Variants in ALDH3A1 observed in about 807,000 individuals in gnomAD.
ALDH3A1 encodes aldehyde dehydrogenase, dimeric NADP-preferring.
A neutral mutation model predicts 49.9 loss-of-function variants in ALDH3A1; 46 were observed. The observed-to-expected ratio is 0.92, with a 90% CI of 0.73 to 1.18. The LOEUF is 1.18. ALDH3A1 is among the 50% of genes most tolerant of loss of function. ALDH3A1 has a pLI of 0.00. For synonymous variants in ALDH3A1, 269 were observed against 253.3 expected, an observed-to-expected ratio of 1.06 and a Z score of -0.59; for missense variants, 592 against 611.8, an observed-to-expected ratio of 0.97 and a Z score of 0.34.
rs772975076 is a variant in ALDH3A1 at position 19,738,341 on chromosome 17, G to A, written c.1329C>T (p.Tyr443=). The change falls in exon 10 of 11, where the codon TAC becomes TAT. Residue 443 remains tyrosine, a synonymous_variant. Transcript: ENST00000225740. Reference sequence around the variant, plus strand: ...CTCTCACCTTGGCCGGGCTCGGGGGGTATCTGACCTTCAGGCCTTCATCAT... The same window carrying A: ...CTCTCACCTTGGCCGGGCTCGGGGGATATCTGACCTTCAGGCCTTCATCAT... The part of the protein sequence containing the change: ...LMNDEGLKVR[Y]PPSPAKMTQH 4 of 1,613,442 alleles carry A rather than the reference G, an allele frequency of 2.5e-6. No homozygotes were observed. The highest frequency in any genetic ancestry group is 1.7e-5 in the Admixed American group (1 of 60,012).
At position 19,743,754 on chromosome 17, in the gene ALDH3A1, G is replaced by A. The variant is rs1413079155; in HGVS notation, c.163-291C>T. ...GCAACGGAATGGATCCAGGTAGGGG[G>A]AATAGAGCCGGGCAGGGGAGAGTAG... On this transcript the variant is annotated intron_variant, in intron 2 of 10. Coordinates refer to ENST00000225740, the MANE Select transcript of ALDH3A1 (RefSeq NM_000691.5). This position sits in a 1 kb window ranked among gnomAD's most constrained non-coding sequence, Gnocchi z 4.4. 3.1e-6 allele frequency: 3 copies of A among 982,812 alleles called. No individual in the cohort carries two copies. In the African/African-American group the frequency reaches 5.3e-5, roughly 17 times the overall value. The allele number at this position is 982,812 out of a possible 1,614,324, so 60.9% of individuals were successfully genotyped here.
rs748915489 is a variant in ALDH3A1, at chr17:19,743,380, G to A, written c.246C>T (p.Ala82=). The change falls in exon 3 of 11, where the codon GCC becomes GCT. Residue 82 remains alanine (A), a synonymous_variant. Transcript: ENST00000225740. This position sits in a 1 kb window ranked among gnomAD's most constrained non-coding sequence, Gnocchi z 4.4. The part of the protein sequence containing the change: ...EYMIQKLPEW[A]ADEPVEKTPQ... ...GCGTCTTCTCCACGGGCTCATCCGC[G>A]GCCCACTCAGGGAGCTTCTGGATCA... is the stretch of plus-strand genomic sequence containing the variant. 1.5e-5 allele frequency: 24 copies of A among 1,614,004 alleles called. No individual in the cohort carries two copies. Among genetic ancestry groups the A allele is most frequent in the Admixed American group, 1.0e-4 (6 of 60,010 alleles).
At position 19,738,312 on chromosome 17, in the gene ALDH3A1, C is replaced by A; in HGVS notation, c.1347+11G>T. On this transcript the variant is annotated intron_variant, in intron 10 of 10. Coordinates refer to ENST00000225740, the MANE Select transcript of ALDH3A1 (RefSeq NM_000691.5). Reference sequence around the variant, plus strand: ...AGCCCGGTCTCCCCCACAGCGCCTTCCCCCTCTCACCTTGGCCGGGCTCGG... The same window carrying A: ...AGCCCGGTCTCCCCCACAGCGCCTTACCCCTCTCACCTTGGCCGGGCTCGG... 2 of 1,613,460 alleles carry A rather than the reference C, an allele frequency of 1.2e-6. No individual in the cohort carries two copies. Among genetic ancestry groups the A allele is most frequent in the Non-Finnish European group, 8.5e-7 (1 of 1,179,422 alleles).
chr17:19,741,244 G>A (rs375261051), intron 5 of ALDH3A1, 34 bp from the exon 6 acceptor site: 1 of 1,591,724 alleles, frequency 6.3e-7, no homozygotes, highest in Non-Finnish European at 8.6e-7. Flanking sequence ...AAATCCAAAA[G>A]GTTCCCCAGG....
At chr17:19,745,325 T>G in intron 1 of ALDH3A1, 191 bp from the exon 2 acceptor site, 1 of 577,474 alleles carries the variant, frequency 1.7e-6, no homozygotes, top group Non-Finnish European at 2.8e-6. Context: ...CTGGCTGCCT[T>G]GCTAGCCCCT....
intron 7 of ALDH3A1, 154 bp downstream of exon 7, chr17:19,740,182 C>G: frequency 1.0e-6 from 1 of 953,556 alleles, no homozygotes. Context: ...CAGCCCCTGC[C>G]TGCTGGAGTC....
rs1445837512 is a variant in ALDH3A1 at position 19,741,679 on chromosome 17, A to G, written c.689+325T>C. On this transcript the variant is annotated intron_variant, in intron 5 of 10. Transcript: ENST00000225740. The stretch of plus-strand genomic sequence containing the variant: ...CCTGCCCCATCAGAGGGCTGAACCC[A>G]GTACAGTTCCTTGTGTCCTGAACGT... Among the ~76,000 whole-genome samples, 3 of 152,094 alleles carry G rather than the reference A, an allele frequency of 2.0e-5. No homozygotes were observed. The East Asian group carries it at 5.8e-4, about 29-fold the overall frequency.
intron 2 of ALDH3A1, 189 bp downstream of exon 2, chr17:19,744,779 G>C: frequency 7.3e-7 from 1 of 1,374,218 alleles, no homozygotes; most frequent in African/African-American, 1.5e-5. Context: ...GCCAGAGGGC[G>C]GAAGAGGCGG....
chr17:19,741,908 G>T, intron 5 of ALDH3A1, 96 bp downstream of exon 5: 1 of 1,229,400 alleles, frequency 8.1e-7, no homozygotes, highest in Non-Finnish European at 1.2e-6. Context: ...GGGGGTGTCT[G>T]TGTTACTCAG....
chr17:19,741,143 C>T lies in ALDH3A1; in HGVS notation c.757G>A (p.Asp253Asn), dbSNP rs200401527. The change falls in exon 6 of 11, where the codon GAC (aspartate) becomes AAC (asparagine). Residue 253 changes from aspartate (D) to asparagine (N), a missense_variant. Physicochemically the swap from Asp to Asn is conservative, Grantham distance 23 (BLOSUM62 1). Transcript: ENST00000225740. ...TCVAPDYILC[D>N]PSIQNQIVEK... Reference sequence around the variant, plus strand: ...ACAATTTGGTTCTGGATCGAGGGGTCACAGAGGATGTAGTCAGGGGCCACG... The same window carrying T: ...ACAATTTGGTTCTGGATCGAGGGGTTACAGAGGATGTAGTCAGGGGCCACG... 48 of 1,614,092 alleles carry T rather than the reference C, an allele frequency of 3.0e-5. No homozygotes were observed. The East Asian group carries it at 9.6e-4, about 32-fold the overall frequency.
At chr17:19,744,790 C>A in intron 2 of ALDH3A1, 178 bp downstream of exon 2, 1 of 1,367,962 alleles carries the variant, frequency 7.3e-7, no homozygotes, top group East Asian at 3.1e-5. Context: ...GAAGAGGCGG[C>A]GGGGGCGCGC....
chr17:19,743,160 G>A lies in ALDH3A1; in HGVS notation c.394+72C>T. On this transcript the variant is annotated intron_variant, in intron 3 of 10. Coordinates refer to ENST00000225740, the MANE Select transcript of ALDH3A1 (RefSeq NM_000691.5). This position sits in a 1 kb window ranked among gnomAD's most constrained non-coding sequence, Gnocchi z 4.4. ...ACCCCAGGACTCTTAACACAGGCCT[G>A]AGCCCATCCTGGCTTGGCTCCACGC... The A allele has an allele frequency of 1.3e-6, 2 of 1,589,802 alleles. No homozygotes were observed. Among genetic ancestry groups the A allele is most frequent in the South Asian group, 2.3e-5 (2 of 88,642 alleles).
chr17:19,744,776 G>A (rs1366420546), intron 2 of ALDH3A1, 192 bp downstream of exon 2: 2 of 1,374,424 alleles, frequency 1.5e-6, no homozygotes, highest in Non-Finnish European at 1.9e-6. Flanking sequence ...AAGGCCAGAG[G>A]GCGGAAGAGG....
In ALDH3A1 at chr17:19,742,600, A is replaced by G. The variant is rs1384275773; in HGVS notation, c.425T>C (p.Leu142Pro). ...CAGCAGGCTCGCCATGTTCTCACTC[A>G]GCTCCGAGGGCTTGAGGACCACTGA... ...GNSVVLKPSE[L>P]SENMASLLAT... Residue 142 changes from leucine (L) to proline (P), a missense_variant, in exon 4 of 11, where the codon CTG becomes CCG. Physicochemically the swap from Leu to Pro is moderately conservative, Grantham distance 98. Coordinates refer to ENST00000225740, the MANE Select transcript of ALDH3A1 (RefSeq NM_000691.5). The G allele has an allele frequency of 1.2e-6, 2 of 1,614,024 alleles. No homozygotes were observed. The highest frequency in any genetic ancestry group is 1.7e-5 in the Admixed American group (1 of 60,026).
rs1167651245 is a variant in ALDH3A1 at position 19,743,228 on chromosome 17, G to A, written c.394+4C>T. The A allele has an allele frequency of 1.2e-6, 2 of 1,613,422 alleles. No individual in the cohort carries two copies. Among genetic ancestry groups the A allele is most frequent in the African/African-American group, 2.7e-5 (2 of 75,050 alleles). On this transcript the variant is annotated splice_donor_region_variant and intron_variant, in intron 3 of 10. Coordinates refer to ENST00000225740, the MANE Select transcript of ALDH3A1 (RefSeq NM_000691.5). The surrounding 1 kb of genome is among the most constrained non-coding windows in gnomAD (Gnocchi z 4.4). ...CCAGCTTCCCTTCCCACAGGGCCAT[G>A]CACCTGCAGCGATGGCGCCCACCAT...
rs762487201 is a variant in ALDH3A1 at position 19,739,096 on chromosome 17, C to T, written c.1117-1G>A. ...TCTCTGCAATCATCTTCTTAATCACCTGCACCAGGACCCAGCCACTGGCCT... is the reference window on the plus strand; with the variant it reads ...TCTCTGCAATCATCTTCTTAATCACTTGCACCAGGACCCAGCCACTGGCCT... On this transcript the variant is annotated splice_acceptor_variant, in intron 8 of 10. Transcript: ENST00000225740. LOFTEE classifies it high-confidence loss of function. The T allele has an allele frequency of 2.5e-6, 4 of 1,612,346 alleles. No individual in the cohort carries two copies. The highest frequency in any genetic ancestry group is 1.1e-5 in the South Asian group (1 of 90,774).
intron 2 of ALDH3A1, 49 bp downstream of exon 2, chr17:19,744,919 C>CCCCCCCA: frequency 7.2e-7 from 1 of 1,385,396 alleles, no homozygotes; most frequent in Non-Finnish European, 9.4e-7. Context: ...CCCCACGCCC[C>CCCCCCCA]ATCGCATGGC....
intron 9 of ALDH3A1, 93 bp downstream of exon 9, chr17:19,738,903 G>T: frequency 8.7e-7 from 1 of 1,145,040 alleles, no homozygotes. Flanking sequence ...GCTGCCGCCC[G>T]GGCTGCAGGA....
At position 19,745,125 on chromosome 17, in the gene ALDH3A1, C is replaced by A; in HGVS notation, c.5G>T (p.Ser2Ile). 6.3e-7 allele frequency: 1 copy of A among 1,575,632 alleles called. No homozygotes were observed. Residue 2 changes from serine (S) to isoleucine (I), a missense_variant, in exon 2 of 11, where the codon AGC becomes ATC. Ser to Ile is a moderately radical substitution (Grantham distance 142). Coordinates refer to ENST00000225740, the MANE Select transcript of ALDH3A1 (RefSeq NM_000691.5). M[S>I]KISEAVKRAR... Reference sequence around the variant, plus strand: ...GCGCTTCACGGCCTCGCTGATCTTGCTCATGGCGCCTGGGGACAGAGAGCA... The same window carrying A: ...GCGCTTCACGGCCTCGCTGATCTTGATCATGGCGCCTGGGGACAGAGAGCA...
Sources: gnomAD v4.1 joint callset for allele counts (sites outside exome capture counted in the v4.1 genomes callset) on GRCh38, gnomAD v4.1.1 for gene constraint, Gnocchi (gnomAD v3.1) non-coding constraint, MANE v1.5 for transcripts, NCBI Gene and HGNC (gene_info 2026-07-23, HGNC 2026-07-21) for gene names.